ELP1: variants seen among roughly 807,000 people sequenced by gnomAD.
ELP1 encodes the protein elongator complex protein 1.
In ELP1, 131 loss-of-function variants were observed where a neutral mutation model predicts 183.2. The observed-to-expected ratio is 0.72, with a 90% confidence interval of 0.62 to 0.83. The LOEUF is 0.83. Among genes scored for constraint, ELP1 ranks in the 40% least tolerant of loss-of-function variants. The probability of loss-of-function intolerance (pLI) is 0.00; values close to 1 mark genes in which losing one functional copy is unlikely to be tolerated. For synonymous variants in ELP1, 555 were observed against 569.0 expected (o/e 0.98, Z 0.35); for missense variants, 1,550 against 1,594.9 (o/e 0.97, Z 0.48).
At position 108,897,546 on chromosome 9, in the gene ELP1, G is replaced by A. The variant is rs537683222; in HGVS notation, c.2364-261C>T. Among the ~76,000 whole-genome samples, 7 of 152,326 alleles carry A rather than the reference G, an allele frequency of 4.6e-5. No individual in the cohort carries two copies. The South Asian group carries it at 1.5e-3, about 32-fold the overall frequency. ...GGGGAATGAATAAGCAAATAGTGGT[G>A]TATTTACACAACGGCATACTACTGA... is the stretch of plus-strand genomic sequence containing the variant. On this transcript the variant is annotated intron_variant, in intron 22 of 36. Transcript: ENST00000374647.
chr9:108,892,404 G>A (rs1300451392), intron 27 of ELP1, among the ~76,000 whole-genome samples: 1 of 152,224 alleles, frequency 6.6e-6, no homozygotes, highest in East Asian at 1.9e-4. Flanking sequence ...TGTGTATATT[G>A]TCTGAGGACA....
chr9:108,869,871 A>C (rs952709495), intron 36 of ELP1, among the ~76,000 whole-genome samples: 8 of 152,252 alleles, frequency 5.3e-5, no homozygotes, highest in Non-Finnish European at 8.8e-5. Context: ...TTCCAGCAGT[A>C]AATCTGTACA....
chr9:108,925,917 CTCA>C, intron 5 of ELP1, among the ~76,000 whole-genome samples: 1 of 152,324 alleles, frequency 6.6e-6, no homozygotes, highest in African/African-American at 2.4e-5. Flanking sequence ...TAAATGATTT[CTCA>C]GAGTTGATGG....
intron 25 of ELP1, among the ~76,000 whole-genome samples, chr9:108,894,580 T>A (rs1190368324): frequency 6.6e-6 from 1 of 152,236 alleles, no homozygotes; most frequent in Admixed American, 6.5e-5. Context: ...ACACTTGGAA[T>A]AATAGTAACT....
intron 27 of ELP1, 81 bp from the exon 28 acceptor site, chr9:108,891,485 C>T (rs1828335227): frequency 2.3e-6 from 3 of 1,298,780 alleles, no homozygotes; most frequent in African/African-American, 1.5e-5. Flanking sequence ...GCCTTAGTTC[C>T]TATACTTGGA....
At chr9:108,900,852 T>C (rs532906644) in intron 18 of ELP1, among the ~76,000 whole-genome samples, 194 of 19,316 alleles carry the variant, frequency 0.01, 3 homozygotes, top group Middle Eastern at 0.026. Flanking sequence ...CACACACACA[T>C]ACACGCCACA....
At chr9:108,884,228 A>C (rs1828038009) in intron 29 of ELP1, among the ~76,000 whole-genome samples, 1 of 152,212 alleles carries the variant, frequency 6.6e-6, no homozygotes, top group Non-Finnish European at 1.5e-5. Context: ...ACATACTCAT[A>C]AACATGTATG....
chr9:108,892,863 G>A (rs1828396804), intron 27 of ELP1, 123 bp downstream of exon 27: 2 of 746,670 alleles, frequency 2.7e-6, no homozygotes, highest in East Asian at 2.5e-5. Flanking sequence ...TTCAAATTGA[G>A]GCTAATTAGT....
rs1192488638 is a variant in ELP1 at position 108,881,713 on chromosome 9, A to G, written c.3338T>C (p.Ile1113Thr). 2 of 1,573,318 alleles carry G rather than the reference A, an allele frequency of 1.3e-6. No homozygotes were observed. Among genetic ancestry groups the G allele is most frequent in the Non-Finnish European group, 1.7e-6 (2 of 1,143,196 alleles). The stretch of plus-strand genomic sequence containing the variant: ...TAAAATGGAACCCTCACCTTCTAAA[A>G]TGGAAGGCTTTACGTTGGTTTCTAT... ...DIIETNVKPS[I>T]LEAQKNYMAF... is the part of the protein sequence containing the mutation. The change falls in exon 31 of 37, where the codon ATT becomes ACT. Residue 1113 changes from isoleucine (I) to threonine (T), a missense_variant. Coordinates refer to ENST00000374647, the MANE Select transcript of ELP1 (RefSeq NM_003640.5).
rs1587917939 is a variant in ELP1, at chr9:108,920,325, A to C, written c.553-976T>G. Reference sequence around the variant, plus strand: ...GAGACGGAGTCTTGCTTTATGGCCCAGGCTGGAGTGCAGTGGCACAATCTT... The same window carrying C: ...GAGACGGAGTCTTGCTTTATGGCCCCGGCTGGAGTGCAGTGGCACAATCTT... On this transcript the variant is annotated intron_variant, in intron 6 of 36. Transcript: ENST00000374647. Among the ~76,000 whole-genome samples, 4 of 135,978 alleles carry C rather than the reference A, an allele frequency of 2.9e-5. No homozygotes were observed. In the South Asian group the frequency reaches 9.3e-4, roughly 32 times the overall value. The allele number at this position is 135,978 out of a possible 152,430, so 89.2% of individuals were successfully genotyped here.
chr9:108,927,333 G>T, intron 4 of ELP1, 39 bp downstream of exon 4: 1 of 1,513,718 alleles, frequency 6.6e-7, no homozygotes, highest in Non-Finnish European at 9.2e-7. Context: ...CTGGAATAAT[G>T]TTTTAAAAAA....
At position 108,919,357 on chromosome 9, in the gene ELP1, G is replaced by C. The variant is rs530487391; in HGVS notation, c.553-8C>G. The stretch of plus-strand genomic sequence containing the variant: ...GGGCAAAGCAGACTCATGCTAAAAA[G>C]GGGAACAAACACCAATATTACTGGG... On this transcript the variant is annotated splice_region_variant and splice_polypyrimidine_tract_variant and intron_variant, in intron 6 of 36. Transcript: ENST00000374647. 7 of 1,599,676 alleles carry C rather than the reference G, an allele frequency of 4.4e-6. No individual in the cohort carries two copies. In the African/African-American group the frequency reaches 8.0e-5, roughly 18 times the overall value.
intron 12 of ELP1, 135 bp downstream of exon 12, chr9:108,910,875 G>T: frequency 1.7e-5 from 11 of 657,180 alleles, no homozygotes; most frequent in Non-Finnish European, 2.4e-5. Flanking sequence ...ATATCATAAT[G>T]ATAATGATAT....
chr9:108,877,827 A>G (rs1158475768), intron 35 of ELP1, among the ~76,000 whole-genome samples, 168 bp downstream of exon 35: 1 of 152,256 alleles, frequency 6.6e-6, no homozygotes, highest in East Asian at 1.9e-4. Context: ...TAGTCACTCT[A>G]CAGGCAAATA....
chr9:108,922,912 A>G lies in ELP1; in HGVS notation c.482T>C (p.Val161Ala), dbSNP rs149617554. The G allele has an allele frequency of 2.1e-5, 34 of 1,613,548 alleles. No homozygotes were observed. Among genetic ancestry groups the G allele is most frequent in the African/African-American group, 9.3e-5 (7 of 74,924 alleles). ...CTGTGTCTCCTTCCTACCCCATCCA[A>G]CAGTGATAAACTTGCCTACAGAACA... ...DDFGESKFITVGWGRKETQFH... is the reference protein window; with the variant it reads ...DDFGESKFITAGWGRKETQFH... The change falls in exon 6 of 37, where the codon GTT becomes GCT. Residue 161 changes from valine to alanine, a missense_variant. By Grantham distance (64) the Val-to-Ala change is moderately conservative. Transcript: ENST00000374647.
At position 108,891,411 on chromosome 9, in the gene ELP1, C is replaced by CAAGAGGAG; in HGVS notation, c.2959-15_2959-8dup. 6.2e-7 allele frequency: 1 copy of CAAGAGGAG among 1,612,160 alleles called. No individual in the cohort carries two copies. ...CATAAGCAATGCTGATATCCTGTGA[C>CAAGAGGAG]AAGAGGAGATTTAGGACTGAGGAGG... On this transcript the variant is annotated splice_region_variant and splice_polypyrimidine_tract_variant and intron_variant, in intron 27 of 36. Transcript: ENST00000374647.
chr9:108,916,138 C>T, intron 10 of ELP1, 66 bp downstream of exon 10: 2 of 1,199,674 alleles, frequency 1.7e-6, no homozygotes, highest in Non-Finnish European at 1.2e-6. Context: ...TGAAGGAAAT[C>T]CCATACCTGT....
chr9:108,911,065 CTT>C lies in ELP1; in HGVS notation c.1303_1304del (p.Lys435GlufsTer2). ...NQVTFLAHPQ[K>X]SNDLAVLDAS... ...CATCTAGAACAGCAAGGTCATTACT[CTT>C]TTGAGGGTGTGCTAAGAATGTGACT... On this transcript the variant is annotated frameshift_variant, in exon 12 of 37. Transcript: ENST00000374647. LOFTEE classifies it high-confidence loss of function. 6.2e-7 allele frequency: 1 copy of C among 1,614,074 alleles called. No individual in the cohort carries two copies. The highest frequency in any genetic ancestry group is 8.5e-7 in the Non-Finnish European group (1 of 1,179,990).
chr9:108,920,221 T>C (rs567738279), intron 6 of ELP1, among the ~76,000 whole-genome samples: 3 of 152,108 alleles, frequency 2.0e-5, no homozygotes, highest in South Asian at 2.1e-4. Flanking sequence ...CATATAATTA[T>C]GCTTCCATTT....
Sources: gnomAD v4.1 joint callset for allele counts (sites outside exome capture counted in the v4.1 genomes callset) on GRCh38, gnomAD v4.1.1 for gene constraint, MANE v1.5 for transcripts, NCBI Gene and HGNC (gene_info 2026-07-23, HGNC 2026-07-21) for gene names.